Variants in PRICKLE2 observed in about 807,000 individuals in gnomAD.
PRICKLE2 encodes the protein prickle-like protein 2.
Under a neutral mutation model 81.4 loss-of-function variants are expected in PRICKLE2, and 21 were observed. That is an observed-to-expected ratio of 0.26 (90% CI 0.18 to 0.37). The LOEUF is 0.37. PRICKLE2 is among the 10% of genes least tolerant of loss of function. The pLI, the probability that PRICKLE2 is intolerant of heterozygous loss-of-function variation, is 1.00. For missense variants in PRICKLE2, 940 were observed against 1,109.0 expected (o/e 0.85, Z 2.16); for synonymous variants, 456 against 421.5 (o/e 1.08, Z -1.00).
intron 5 of PRICKLE2, among the ~76,000 whole-genome samples, chr3:64,156,089 A>C (rs1453498319): frequency 6.6e-6 from 1 of 152,240 alleles, no homozygotes; most frequent in Non-Finnish European, 1.5e-5. Flanking sequence ...AGACAACACA[A>C]AGCTGTATTC....
intron 2 of PRICKLE2, among the ~76,000 whole-genome samples, chr3:64,165,944 A>T (rs1444612656): frequency 2.0e-5 from 3 of 150,378 alleles, no homozygotes; most frequent in African/African-American, 7.4e-5. Flanking sequence ...TCAGGGGAAA[A>T]ATGGCAAACT....
At chr3:64,251,421 G>C (rs959101338) in intron 2 of PRICKLE2, among the ~76,000 whole-genome samples, 16 of 152,202 alleles carry the variant, frequency 1.1e-4, no homozygotes, top group African/African-American at 2.7e-4. Flanking sequence ...GCTCCTTACT[G>C]GTTCTTTGTC....
chr3:64,146,800 C>T, intron 7 of PRICKLE2, 30 bp downstream of exon 7: 1 of 1,613,266 alleles, frequency 6.2e-7, no homozygotes, highest in Non-Finnish European at 8.5e-7. Flanking sequence ...TACCCCCTTT[C>T]TATCTGTTTT....
At chr3:64,179,497 T>C (rs1001140412) in intron 2 of PRICKLE2, among the ~76,000 whole-genome samples, 6 of 152,176 alleles carry the variant, frequency 3.9e-5, no homozygotes, top group African/African-American at 1.2e-4. Context: ...AAGCATAGGA[T>C]GCAAAAAAGT....
chr3:64,117,557 A>G (rs2076955451), intron 7 of PRICKLE2, among the ~76,000 whole-genome samples: 1 of 152,206 alleles, frequency 6.6e-6, no homozygotes, highest in Non-Finnish European at 1.5e-5. Context: ...TATACCAACA[A>G]TAGTCAAGCC....
At chr3:64,182,447 A>G (rs1164983737) in intron 2 of PRICKLE2, among the ~76,000 whole-genome samples, 1 of 151,780 alleles carries the variant, frequency 6.6e-6, no homozygotes, top group African/African-American at 2.4e-5. Context: ...GTGACCTATA[A>G]TTGCACCACT....
rs1274764647 is a variant in PRICKLE2 at position 64,098,328 on chromosome 3, G to A, written c.*723C>T. On this transcript the variant is annotated 3_prime_UTR_variant, in exon 8 of 8. Transcript: ENST00000638394. ...AGAAAATAAATTCTACTGAGGGTGG[G>A]AGCAGACTTAAGGATGGCTCCTTAA... 6.6e-6 allele frequency: 1 copy of A among 152,526 alleles called. No individual in the cohort carries two copies. Among genetic ancestry groups the A allele is most frequent in the Non-Finnish European group, 1.5e-5 (1 of 68,022 alleles). 9.4% of individuals were successfully genotyped at this position (152,526 alleles called of 1,614,324 possible). A position where few individuals can be genotyped will look rare whatever the true frequency, so the allele number is the denominator to read the frequency against.
chr3:64,267,296 C>T (rs1043741628), intron 2 of PRICKLE2, among the ~76,000 whole-genome samples: 4 of 152,126 alleles, frequency 2.6e-5, no homozygotes, highest in African/African-American at 9.7e-5. Flanking sequence ...TACCCCAATT[C>T]AGAAAGAACA....
chr3:64,131,194 T>C (rs1297998036), intron 7 of PRICKLE2, among the ~76,000 whole-genome samples: 1 of 152,186 alleles, frequency 6.6e-6, no homozygotes, highest in African/African-American at 2.4e-5. Context: ...TCACAAGCGA[T>C]AAGACCGTAG....
rs1018329886 is a variant in PRICKLE2 at position 64,098,680 on chromosome 3, T to C, written c.*371A>G. 1 of 253,002 alleles carries C rather than the reference T, an allele frequency of 4.0e-6. No individual in the cohort carries two copies. The highest frequency in any genetic ancestry group is 2.2e-5 in the African/African-American group (1 of 44,976). The allele number at this position is 253,002 out of a possible 1,614,324, so 15.7% of individuals were successfully genotyped here. On this transcript the variant is annotated 3_prime_UTR_variant, in exon 8 of 8. Coordinates refer to ENST00000638394, the MANE Select transcript of PRICKLE2 (RefSeq NM_198859.4). ...TAACTTAGTCTTGGGTCCTGGCTAA[T>C]AAACAAATTACTTACTGAAAAAAGG... is the stretch of plus-strand genomic sequence containing the variant.
At chr3:64,158,265 C>A (rs17070015) in intron 4 of PRICKLE2, among the ~76,000 whole-genome samples, 9,758 of 152,340 alleles carry the variant, frequency 0.064, 443 homozygotes, top group African/African-American at 0.12. Flanking sequence ...ACCACCAAAT[C>A]TTTCCCATGC....
At chr3:64,174,815 T>C (rs1022238388) in intron 2 of PRICKLE2, 1 of 216,252 alleles carries the variant, frequency 4.6e-6, no homozygotes, top group African/African-American at 2.3e-5. Context: ...TGGATAAATA[T>C]ACCAAGAAAG....
chr3:64,118,283 G>A (rs1024011259), intron 7 of PRICKLE2, among the ~76,000 whole-genome samples: 3 of 152,018 alleles, frequency 2.0e-5, no homozygotes, highest in Admixed American at 6.6e-5. Flanking sequence ...ACATGGGCAC[G>A]GGCAAAGATT....
intron 2 of PRICKLE2, among the ~76,000 whole-genome samples, chr3:64,169,068 C>T (rs1462417886): frequency 6.6e-6 from 1 of 152,130 alleles, no homozygotes; most frequent in African/African-American, 2.4e-5. Flanking sequence ...TCTGCAGCTC[C>T]TTAGTAGCTA....
intron 7 of PRICKLE2, among the ~76,000 whole-genome samples, chr3:64,114,541 G>C (rs536906964): frequency 6.6e-6 from 1 of 151,942 alleles, no homozygotes; most frequent in African/African-American, 2.4e-5. Flanking sequence ...TGACCTTAGA[G>C]AGCTAAAAAA....
At chr3:64,215,662 G>A (rs2078860392) in intron 1 of PRICKLE2, among the ~76,000 whole-genome samples, 3 of 152,184 alleles carry the variant, frequency 2.0e-5, no homozygotes, top group Non-Finnish European at 4.4e-5. Context: ...AATGTAGAAT[G>A]TGATTCAACT....
intron 2 of PRICKLE2, among the ~76,000 whole-genome samples, chr3:64,167,620 A>G (rs1299926709): frequency 6.6e-6 from 1 of 152,214 alleles, no homozygotes; most frequent in Non-Finnish European, 1.5e-5. Flanking sequence ...GGCTTGTTGG[A>G]AGGAACTGCA....
chr3:64,238,893 C>G (rs1351856245), intron 2 of PRICKLE2, among the ~76,000 whole-genome samples: 1 of 152,166 alleles, frequency 6.6e-6, no homozygotes, highest in Non-Finnish European at 1.5e-5. Flanking sequence ...ATCTGAAGCC[C>G]TCTGATTTGA....
rs567535343 is a variant in PRICKLE2 at position 64,146,635 on chromosome 3, C to A, written c.1660+195G>T. The A allele has an allele frequency of 2.0e-5, 12 of 596,570 alleles. No individual in the cohort carries two copies. In the African/African-American group the frequency reaches 2.1e-4, roughly 10 times the overall value. The allele number at this position is 596,570 out of a possible 1,614,324, so 37.0% of individuals were successfully genotyped here. A position where few individuals can be genotyped will look rare whatever the true frequency, so the allele number is the denominator to read the frequency against. ...GCGGGCACCTGTAGTCCCAACTACT[C>A]GTGAGGCTGAGGCAGGAGAATGGCG... On this transcript the variant is annotated intron_variant, in intron 7 of 7. Coordinates refer to ENST00000638394, the MANE Select transcript of PRICKLE2 (RefSeq NM_198859.4).
Sources: gnomAD v4.1 joint callset for allele counts (sites outside exome capture counted in the v4.1 genomes callset) on GRCh38, gnomAD v4.1.1 for gene constraint, MANE v1.5 for transcripts, NCBI Gene and HGNC (gene_info 2026-07-23, HGNC 2026-07-21) for gene names.